The following SPTBN1 variants were observed in gnomAD, a reference collection of about 807,000 sequenced individuals.
SPTBN1 encodes the protein spectrin beta, non-erythrocytic 1, also known as spectrin beta chain, non-erythrocytic 1.
SPTBN1 carries 32 observed loss-of-function variants against 266.4 expected under a neutral mutation model. The observed-to-expected ratio is 0.12, with a 90% CI of 0.09 to 0.16. The LOEUF is 0.16. SPTBN1 is among the 10% of genes least tolerant of loss of function. The pLI, the probability that SPTBN1 is intolerant of heterozygous loss-of-function variation, is 1.00. For synonymous variants in SPTBN1, 1,336 were observed against 1,162.2 expected, an observed-to-expected ratio of 1.15 and a Z score of -3.04; for missense variants, 2,296 against 3,067.1, an observed-to-expected ratio of 0.75 and a Z score of 5.94.
chr2:54,664,645 A>G lies in SPTBN1; in HGVS notation c.6613A>G (p.Asn2205Asp). ...TPSAQMEGFL[N>D]RKHEWEAHNK... ...TTCGGCCCAGATGGAAGGCTTCCTC[A>G]ATCGGAAACACGAGTGGGAGGCCCA... The change falls in exon 33 of 36, where the codon AAT (asparagine) becomes GAT (aspartate). Residue 2205 changes from asparagine (N) to aspartate (D), a missense_variant. Around this residue, in one of 12 missense-constraint regions of SPTBN1, gnomAD observed 347 missense variants for 368.5 expected, o/e 0.94. Transcript: ENST00000356805. This position sits in a 1 kb window ranked among gnomAD's most constrained non-coding sequence, Gnocchi z 5.6. 1 of 1,614,168 alleles carries G rather than the reference A, an allele frequency of 6.2e-7. No homozygotes were observed. Among genetic ancestry groups the G allele is most frequent in the Non-Finnish European group, 8.5e-7 (1 of 1,180,028 alleles).
Position 54,649,500 on chromosome 2 carries a change from G to C in SPTBN1, c.5203-115G>C, listed in dbSNP as rs1184039888. 8 of 1,436,520 alleles carry C rather than the reference G, an allele frequency of 5.6e-6. No individual in the cohort carries two copies. In the African/African-American group the frequency reaches 1.1e-4, roughly 21 times the overall value. 89.0% of individuals were successfully genotyped at this position (1,436,520 alleles called of 1,614,324 possible). Reference sequence around the variant, plus strand: ...AAGATCTATTGTTCTGAAGTCATGAGTATTATTGGCTACATCTTGCTTAGA... The same window carrying C: ...AAGATCTATTGTTCTGAAGTCATGACTATTATTGGCTACATCTTGCTTAGA... On this transcript the variant is annotated intron_variant, in intron 25 of 35. Coordinates refer to ENST00000356805, the MANE Select transcript of SPTBN1 (RefSeq NM_003128.3). The surrounding 1 kb of genome is among the most constrained non-coding windows in gnomAD (Gnocchi z 6.7).
chr2:54,654,530 G>T (rs1225677273), intron 27 of SPTBN1, among the ~76,000 whole-genome samples: 1 of 152,148 alleles, frequency 6.6e-6, no homozygotes, highest in African/African-American at 2.4e-5. Context: ...TGAAGCAGTT[G>T]TATTTCCTGG....
At chr2:54,562,014 C>A (rs72918785) in intron 2 of SPTBN1, among the ~76,000 whole-genome samples, 5,247 of 152,022 alleles carry the variant, frequency 0.035, 316 homozygotes, top group African/African-American at 0.12. Flanking sequence ...ACACACACAC[C>A]CACCCCTTCC....
Position 54,612,318 on chromosome 2 carries a change from T to C in SPTBN1, c.458T>C (p.Ile153Thr). The C allele has an allele frequency of 1.2e-6, 2 of 1,612,694 alleles. No homozygotes were observed. The highest frequency in any genetic ancestry group is 1.7e-6 in the Non-Finnish European group (2 of 1,179,064). Reference protein sequence around the residue: ...HRLTLGLIWTIILRFQIQDIS... With the variant: ...HRLTLGLIWTTILRFQIQDIS... ...CTGACCCTTGGCCTCATCTGGACCATCATCCTGCGCTTCCAGGTAAGGGTC... is the reference window on the plus strand; with the variant it reads ...CTGACCCTTGGCCTCATCTGGACCACCATCCTGCGCTTCCAGGTAAGGGTC... The change falls in exon 4 of 36, where the codon ATC becomes ACC. Residue 153 changes from isoleucine to threonine, a missense_variant. Physicochemically the swap from Ile to Thr is moderately conservative, Grantham distance 89. This residue lies in a region of SPTBN1 where 178 missense variants were observed against 375.7 expected (regional missense o/e 0.47). Transcript: ENST00000356805.
At chr2:54,536,746 G>A (rs1671628212) in intron 2 of SPTBN1, among the ~76,000 whole-genome samples, 1 of 152,124 alleles carries the variant, frequency 6.6e-6, no homozygotes, top group African/African-American at 2.4e-5. Context: ...GTAAAAGAAG[G>A]AGAGGCCGGG....
At chr2:54,660,156 C>G in intron 32 of SPTBN1, 157 bp downstream of exon 32, 4 of 1,538,238 alleles carry the variant, frequency 2.6e-6, no homozygotes, top group Non-Finnish European at 3.5e-6. Context: ...GCTTCCACTT[C>G]ACCCAAAATG....
chr2:54,618,889 T>C (rs1396176820), intron 7 of SPTBN1, among the ~76,000 whole-genome samples: 1 of 152,228 alleles, frequency 6.6e-6, no homozygotes, highest in African/African-American at 2.4e-5. Context: ...TGTGAGTCCC[T>C]GTGTAACTTG....
At chr2:54,592,842 C>T (rs1030931148) in intron 2 of SPTBN1, among the ~76,000 whole-genome samples, 2 of 152,176 alleles carry the variant, frequency 1.3e-5, no homozygotes, top group African/African-American at 4.8e-5. Flanking sequence ...AGAGAAAGAG[C>T]CGAGGACCTC....
At chr2:54,458,274 A>C (rs369198463) in intron 1 of SPTBN1, among the ~76,000 whole-genome samples, 1 of 152,250 alleles carries the variant, frequency 6.6e-6, no homozygotes, top group Non-Finnish European at 1.5e-5. Flanking sequence ...ATTAAAATTC[A>C]GTAGGTTGTT....
At chr2:54,666,645 C>T (rs992180386) in intron 34 of SPTBN1, among the ~76,000 whole-genome samples, 1 of 152,184 alleles carries the variant, frequency 6.6e-6, no homozygotes, top group Non-Finnish European at 1.5e-5. Context: ...ACATGTATCT[C>T]CCTACAGAGT....
rs116353795 is a variant in SPTBN1, at chr2:54,590,701, G to T, written c.149-8391G>T. ...ATAGAAGCAAAGATGGGAAAAAGCA[G>T]TGTGCAAGGTGAGAGTTCAGAGCAT... On this transcript the variant is annotated intron_variant, in intron 2 of 35. Transcript: ENST00000356805. Among the ~76,000 whole-genome samples the T allele has an allele frequency of 5.4e-3, 823 of 152,332 alleles. 11 individuals are homozygous for T. Among genetic ancestry groups the T allele is most frequent in the African/African-American group, 0.019 (776 of 41,566 alleles).
At chr2:54,496,444 A>T (rs1573273798) in intron 1 of SPTBN1, among the ~76,000 whole-genome samples, 1 of 151,632 alleles carries the variant, frequency 6.6e-6, no homozygotes, top group African/African-American at 2.4e-5. Flanking sequence ...TGTCTTAAAA[A>T]AAAAAAAAAA....
chr2:54,462,327 T>G (rs1422031950), intron 1 of SPTBN1, among the ~76,000 whole-genome samples: 1 of 152,230 alleles, frequency 6.6e-6, no homozygotes, highest in Non-Finnish European at 1.5e-5. Context: ...TTCTAACTTT[T>G]GTATTTTAAA....
At chr2:54,614,521 G>T (rs1677452087) in intron 4 of SPTBN1, among the ~76,000 whole-genome samples, 1 of 152,108 alleles carries the variant, frequency 6.6e-6, no homozygotes, top group East Asian at 1.9e-4. Context: ...AGAGTATAAG[G>T]GCCAGGTGCG....
intron 1 of SPTBN1, among the ~76,000 whole-genome samples, chr2:54,471,334 C>T (rs1693908241): frequency 6.6e-6 from 1 of 152,224 alleles, no homozygotes; most frequent in African/African-American, 2.4e-5. Context: ...TCCTTCCTTA[C>T]TTGGTGAGTG....
intron 2 of SPTBN1, among the ~76,000 whole-genome samples, chr2:54,593,862 T>A (rs935388131): frequency 2.6e-5 from 3 of 115,184 alleles, no homozygotes; most frequent in African/African-American, 9.1e-5. Context: ...AGACAGAGTC[T>A]TAACGCTGTC....
At chr2:54,602,741 G>C (rs1334877589) in intron 3 of SPTBN1, among the ~76,000 whole-genome samples, 1 of 152,208 alleles carries the variant, frequency 6.6e-6, no homozygotes, top group Admixed American at 6.5e-5. Context: ...GCATGTGTGT[G>C]TGTTTGTGTA....
At chr2:54,601,780 G>T (rs1558416534) in intron 3 of SPTBN1, among the ~76,000 whole-genome samples, 2 of 152,208 alleles carry the variant, frequency 1.3e-5, no homozygotes, top group African/African-American at 2.4e-5. Flanking sequence ...GATTCTTAGA[G>T]CCACTTCCTT....
At chr2:54,632,854 T>G in intron 17 of SPTBN1, 86 bp downstream of exon 17, 7 of 1,459,198 alleles carry the variant, frequency 4.8e-6, no homozygotes, top group Non-Finnish European at 6.5e-6. Context: ...CTTGGGAGTT[T>G]AGGTATAAAT....
Sources: gnomAD v4.1 joint callset for allele counts (sites outside exome capture counted in the v4.1 genomes callset) on GRCh38, gnomAD v4.1.1 for gene constraint, gnomAD v4.1.1 regional missense constraint, Gnocchi (gnomAD v3.1) non-coding constraint, MANE v1.5 for transcripts, NCBI Gene and HGNC (gene_info 2026-07-23, HGNC 2026-07-21) for gene names.